PTGDR: variants seen among roughly 807,000 people sequenced by gnomAD.
The protein encoded by PTGDR is prostaglandin D2 receptor, also known as PGD2 receptor.
A neutral mutation model predicts 17.4 loss-of-function variants in PTGDR; 19 were observed. The observed-to-expected ratio is 1.09, with a 90% CI of 0.76 to 1.60. The LOEUF is 1.60. Ranked by LOEUF, PTGDR falls within the 40% of genes most tolerant of loss-of-function variation. The pLI, the probability that PTGDR is intolerant of heterozygous loss-of-function variation, is 0.00. For synonymous variants in PTGDR, 267 were observed against 224.2 expected, an observed-to-expected ratio of 1.19 and a Z score of -1.71; for missense variants, 526 against 481.9, an observed-to-expected ratio of 1.09 and a Z score of -0.86.
At chr14:52,274,398 C>T (rs961609650) in intron 1 of PTGDR, among the ~76,000 whole-genome samples, 9 of 152,156 alleles carry the variant, frequency 5.9e-5, no homozygotes, top group African/African-American at 2.2e-4. Flanking sequence ...GCATGCTGAC[C>T]CTGTTTCTAA....
chr14:52,280,905 C>CA (rs2033478307), downstream of PTGDR, among the ~76,000 whole-genome samples: 1 of 152,008 alleles, frequency 6.6e-6, no homozygotes, highest in African/African-American at 2.4e-5. Context: ...AAATAAACCT[C>CA]AAAAAATGAT....
At position 52,276,415 on chromosome 14, in the gene PTGDR, G is replaced by A. The variant is rs936225170; in HGVS notation, c.*1451G>A. The A allele has an allele frequency of 6.6e-6, 1 of 152,054 alleles. No homozygotes were observed. The highest frequency in any genetic ancestry group is 1.5e-5 in the Non-Finnish European group (1 of 68,000). The allele number at this position is 152,054 out of a possible 1,614,324, so 9.4% of individuals were successfully genotyped here. On this transcript the variant is annotated 3_prime_UTR_variant, in exon 2 of 2. Transcript: ENST00000306051. ...CAGCAACCTCCTTTGTTTCACTTAT[G>A]TTTTTTCCAGTATCTGAGATAATAT...
At chr14:52,268,699 T>G (rs774952906) in intron 1 of PTGDR, 39 bp downstream of exon 1, 84 of 1,519,184 alleles carry the variant, frequency 5.5e-5, no homozygotes, top group South Asian at 5.1e-4. Context: ...GCACTGAGAC[T>G]GTCCGGCCGC....
In PTGDR at chr14:52,274,747, G is replaced by C. The variant is rs1473110757; in HGVS notation, c.863G>C (p.Gly288Ala). The C allele has an allele frequency of 6.2e-7, 1 of 1,611,476 alleles. No homozygotes were observed. The highest frequency in any genetic ancestry group is 2.2e-5 in the East Asian group (1 of 44,874). ...SLPVIYRAYY[G>A]AFKDVKEKNR... ...TCAAAACAGTATCGCGCTTACTATG[G>C]AGCATTTAAGGATGTCAAGGAGAAA... is the stretch of plus-strand genomic sequence containing the variant. Residue 288 changes from glycine (G) to alanine (A), a missense_variant, in exon 2 of 2, where the codon GGA (glycine) becomes GCA (alanine). Coordinates refer to ENST00000306051, the MANE Select transcript of PTGDR (RefSeq NM_000953.3).
In PTGDR at chr14:52,267,897, G is replaced by C; in HGVS notation, c.83G>C (p.Ser28Thr). ...GCGGTGATGGGCGGGGTGCTCTTCA[G>C]CACCGGCCTCCTGGGCAACCTGCTG... ...NSAVMGGVLF[S>T]TGLLGNLLAL... Residue 28 changes from serine (S) to threonine (T), a missense_variant, in exon 1 of 2, where the codon AGC becomes ACC. Coordinates refer to ENST00000306051, the MANE Select transcript of PTGDR (RefSeq NM_000953.3). 6.2e-7 allele frequency: 1 copy of C among 1,609,944 alleles called. No individual in the cohort carries two copies. Among genetic ancestry groups the C allele is most frequent in the Non-Finnish European group, 8.5e-7 (1 of 1,178,360 alleles).
chr14:52,274,686 C>CATT, intron 1 of PTGDR, 45 bp from the exon 2 acceptor site: 1 of 1,486,784 alleles, frequency 6.7e-7, no homozygotes, highest in Non-Finnish European at 9.4e-7. Context: ...CCATTGCTGC[C>CATT]ATTAACCTTT....
chr14:52,269,949 C>T (rs749336357), intron 1 of PTGDR, among the ~76,000 whole-genome samples: 2 of 152,158 alleles, frequency 1.3e-5, no homozygotes, highest in African/African-American at 2.4e-5. Context: ...CTAATTCAGA[C>T]ATTTTTAAAG....
At chr14:52,269,260 A>G (rs886636764) in intron 1 of PTGDR, among the ~76,000 whole-genome samples, 4 of 152,172 alleles carry the variant, frequency 2.6e-5, no homozygotes, top group African/African-American at 4.8e-5. Flanking sequence ...CTGGTGCTGC[A>G]TCCGCCAGGG....
intron 1 of PTGDR, among the ~76,000 whole-genome samples, chr14:52,271,726 G>A (rs1010652045): frequency 3.8e-4 from 58 of 152,196 alleles, no homozygotes; most frequent in African/African-American, 1.4e-3. Context: ...TGAAAGTGAT[G>A]TCATCATTTG....
At position 52,270,611 on chromosome 14, in the gene PTGDR, TC is replaced by T. The variant is rs370401706; in HGVS notation, c.846+1954del. Among the ~76,000 whole-genome samples the T allele has an allele frequency of 6.3e-4, 96 of 152,322 alleles. 2 individuals are homozygous for T. The East Asian group carries it at 0.015, about 23-fold the overall frequency. On this transcript the variant is annotated intron_variant, in intron 1 of 1. Coordinates refer to ENST00000306051, the MANE Select transcript of PTGDR (RefSeq NM_000953.3). ...CAAAAAATTGTGGAAATGTGTTTTCTCCCATGTTATATTAGTACCTATCAAA... is the reference window on the plus strand; with the variant it reads ...CAAAAAATTGTGGAAATGTGTTTTCTCCATGTTATATTAGTACCTATCAAA...
chr14:52,270,458 G>A (rs751104449), intron 1 of PTGDR, among the ~76,000 whole-genome samples: 3 of 152,126 alleles, frequency 2.0e-5, no homozygotes, highest in Non-Finnish European at 2.9e-5. Flanking sequence ...CAGGAGAATC[G>A]CTTGAACCTG....
At chr14:52,274,514 A>G (rs2033382247) in intron 1 of PTGDR, among the ~76,000 whole-genome samples, 1 of 152,186 alleles carries the variant, frequency 6.6e-6, no homozygotes. Flanking sequence ...ACAAGTACTC[A>G]GCTTCCTTCC....
At chr14:52,272,647 G>T (rs1049189380) in intron 1 of PTGDR, among the ~76,000 whole-genome samples, 7 of 151,982 alleles carry the variant, frequency 4.6e-5, no homozygotes, top group African/African-American at 1.7e-4. Flanking sequence ...TCCAGTCCAC[G>T]CACTGTAACA....
Position 52,268,267 on chromosome 14 carries a change from G to A in PTGDR, c.453G>A (p.Leu151=). 2.5e-6 allele frequency: 4 copies of A among 1,613,960 alleles called. No individual in the cohort carries two copies. The highest frequency in any genetic ancestry group is 1.3e-5 in the African/African-American group (1 of 75,078). Residue 151 remains leucine, a synonymous_variant, in exon 1 of 2, where the codon CTG becomes CTA. Transcript: ENST00000306051. ...ACATCACCCTGCGCCTGGGCGCACT[G>A]GTGGCCCCGGTGGTGAGCGCCTTCT... The part of the protein sequence containing the change: ...RRHITLRLGA[L]VAPVVSAFSL...
At chr14:52,279,509 G>C (rs1461029876), downstream of PTGDR, among the ~76,000 whole-genome samples, 1 of 152,102 alleles carries the variant, frequency 6.6e-6, no homozygotes, top group Non-Finnish European at 1.5e-5. Flanking sequence ...ATTTTCTTCA[G>C]TGAGGCTAGG....
rs1482340073 is a variant in PTGDR, at chr14:52,268,604, C to G, written c.790C>G (p.Leu264Val). Reference protein sequence around the residue: ...SPQPLEELDHLLLLALMTVLF... With the variant: ...SPQPLEELDHVLLLALMTVLF... The stretch of plus-strand genomic sequence containing the variant: ...TCAGCCCCTGGAGGAGCTGGATCAC[C>G]TCCTGCTGCTGGCGCTGATGACCGT... The change falls in exon 1 of 2, where the codon CTC (leucine) becomes GTC (valine). Residue 264 changes from leucine (L) to valine (V), a missense_variant. Leu to Val is a conservative substitution (Grantham distance 32, BLOSUM62 1). Coordinates refer to ENST00000306051, the MANE Select transcript of PTGDR (RefSeq NM_000953.3). 2 of 1,608,488 alleles carry G rather than the reference C, an allele frequency of 1.2e-6. No homozygotes were observed. The highest frequency in any genetic ancestry group is 1.7e-5 in the Admixed American group (1 of 59,368).
intron 1 of PTGDR, 26 bp from the exon 2 acceptor site, chr14:52,274,705 T>A (rs961588381): frequency 6.5e-7 from 1 of 1,547,138 alleles, no homozygotes; most frequent in African/African-American, 1.4e-5. Flanking sequence ...TTCCACATCA[T>A]AATGGAATGT....
downstream of PTGDR, among the ~76,000 whole-genome samples, chr14:52,279,429 TA>T (rs2033464640): frequency 1.3e-5 from 2 of 152,220 alleles, no homozygotes; most frequent in East Asian, 3.8e-4. Flanking sequence ...GTTTGTTAAT[TA>T]GGCAATGTTA....
At chr14:52,269,771 G>T (rs1594618463) in intron 1 of PTGDR, among the ~76,000 whole-genome samples, 1 of 152,200 alleles carries the variant, frequency 6.6e-6, no homozygotes, top group East Asian at 1.9e-4. Context: ...ATGCAGGGGT[G>T]GGAACAGTAT....
Sources: allele counts gnomAD v4.1 joint callset (sites outside exome capture counted in the v4.1 genomes callset), GRCh38; gene constraint gnomAD v4.1.1; transcripts MANE v1.5; gene names NCBI Gene and HGNC (gene_info 2026-07-23, HGNC 2026-07-21).